Variants in EXOC6B observed in about 807,000 individuals in gnomAD.
The protein encoded by EXOC6B is exocyst complex component 6B.
EXOC6B carries 54 observed loss-of-function variants against 113.5 expected under a neutral mutation model. The ratio of observed to expected loss-of-function variants is 0.48; its 90% CI spans 0.38 to 0.60. The LOEUF is 0.60. Ranked by LOEUF, EXOC6B falls within the 20% of genes least tolerant of loss-of-function variation. EXOC6B has a pLI of 0.00. For missense variants in EXOC6B, 797 were observed against 977.5 expected (o/e 0.82, Z 2.46); for synonymous variants, 357 against 339.0 (o/e 1.05, Z -0.58).
chr2:72,254,743 G>A (rs1268557358), intron 20 of EXOC6B, among the ~76,000 whole-genome samples: 1 of 152,148 alleles, frequency 6.6e-6, no homozygotes, highest in Admixed American at 6.5e-5. Flanking sequence ...CAGGCGTGGT[G>A]GCTCACACCT....
intron 8 of EXOC6B, among the ~76,000 whole-genome samples, chr2:72,529,867 C>T (rs1414375886): frequency 6.6e-6 from 1 of 152,128 alleles, no homozygotes; most frequent in African/African-American, 2.4e-5. Context: ...TTGTGTTTTT[C>T]AGAGAATTAA....
intron 6 of EXOC6B, among the ~76,000 whole-genome samples, chr2:72,619,053 C>A (rs1671576539): frequency 6.6e-6 from 1 of 152,162 alleles, no homozygotes; most frequent in African/African-American, 2.4e-5. Flanking sequence ...GGAAAGCCAA[C>A]AGAAAAGCTG....
intron 2 of EXOC6B, among the ~76,000 whole-genome samples, chr2:72,739,547 T>A (rs564169601): frequency 6.6e-6 from 1 of 152,210 alleles, no homozygotes; most frequent in East Asian, 1.9e-4. Context: ...TGTTGTTACA[T>A]CTCTCAATTT....
intron 6 of EXOC6B, among the ~76,000 whole-genome samples, chr2:72,695,844 A>G (rs1019853964): frequency 2.0e-5 from 3 of 152,208 alleles, no homozygotes; most frequent in Admixed American, 1.3e-4. Context: ...AAGGGCTCTA[A>G]GGCTCACTCC....
At chr2:72,312,174 C>G (rs1687226394) in intron 20 of EXOC6B, among the ~76,000 whole-genome samples, 1 of 152,192 alleles carries the variant, frequency 6.6e-6, no homozygotes, top group African/African-American at 2.4e-5. Flanking sequence ...ATTGCTAGAA[C>G]TTCCTAAAGC....
chr2:72,570,598 T>G (rs1165691562), intron 7 of EXOC6B, among the ~76,000 whole-genome samples: 1 of 152,158 alleles, frequency 6.6e-6, no homozygotes, highest in Admixed American at 6.6e-5. Flanking sequence ...GTGGATGACA[T>G]GGTTACCACT....
chr2:72,642,992 C>T (rs1266443234), intron 6 of EXOC6B, among the ~76,000 whole-genome samples: 1 of 151,704 alleles, frequency 6.6e-6, no homozygotes, highest in Non-Finnish European at 1.5e-5. Context: ...GACATTTATG[C>T]AGCCAAAAAA....
intron 6 of EXOC6B, among the ~76,000 whole-genome samples, chr2:72,660,254 A>C (rs964582938): frequency 1.3e-5 from 2 of 152,192 alleles, no homozygotes; most frequent in Non-Finnish European, 2.9e-5. Context: ...GTGAACAAAA[A>C]ATACTTATTG....
At chr2:72,811,565 T>C (rs936188420) in intron 1 of EXOC6B, among the ~76,000 whole-genome samples, 4 of 152,296 alleles carry the variant, frequency 2.6e-5, no homozygotes, top group Non-Finnish European at 5.9e-5. Flanking sequence ...CTCAATTCAT[T>C]TTAAGAAGTT....
chr2:72,446,806 A>T (rs1328873252), intron 18 of EXOC6B, among the ~76,000 whole-genome samples: 2 of 152,194 alleles, frequency 1.3e-5, no homozygotes, highest in East Asian at 3.8e-4. Flanking sequence ...TCCTGCTTCA[A>T]ACTAACAGAA....
intron 6 of EXOC6B, among the ~76,000 whole-genome samples, chr2:72,585,331 C>T (rs1313739747): frequency 6.6e-6 from 1 of 152,184 alleles, no homozygotes; most frequent in Non-Finnish European, 1.5e-5. Flanking sequence ...GGTGCAGTGG[C>T]TCATGCCTGT....
intron 1 of EXOC6B, among the ~76,000 whole-genome samples, chr2:72,818,908 C>T (rs1378122231): frequency 1.3e-5 from 2 of 152,108 alleles, no homozygotes; most frequent in African/African-American, 4.8e-5. Context: ...TTTCCTAATC[C>T]CCTAATTGAA....
chr2:72,495,738 CCTT>C (rs1420832437), intron 14 of EXOC6B, among the ~76,000 whole-genome samples, 199 bp from the exon 15 acceptor site: 7 of 152,108 alleles, frequency 4.6e-5, no homozygotes, highest in Admixed American at 4.6e-4. Flanking sequence ...ATTCAAATGT[CCTT>C]CATCATGGAA....
At chr2:72,812,289 A>T (rs1051692237) in intron 1 of EXOC6B, among the ~76,000 whole-genome samples, 2 of 152,218 alleles carry the variant, frequency 1.3e-5, no homozygotes, top group Non-Finnish European at 2.9e-5. Flanking sequence ...AAAATCACTT[A>T]AAAAAAGAAA....
intron 7 of EXOC6B, among the ~76,000 whole-genome samples, chr2:72,573,118 C>T (rs902905437): frequency 3.9e-5 from 6 of 152,190 alleles, no homozygotes; most frequent in African/African-American, 1.4e-4. Context: ...TTAAAAGGAA[C>T]TTACCCAGGA....
chr2:72,507,743 C>T (rs1573284323), intron 11 of EXOC6B, among the ~76,000 whole-genome samples: 1 of 151,670 alleles, frequency 6.6e-6, no homozygotes, highest in South Asian at 2.1e-4. Context: ...AAAGAATATA[C>T]AATAGATCTA....
chr2:72,747,859 GATT>G lies in EXOC6B; in HGVS notation c.114-6393_114-6391del, dbSNP rs1191934713. On this transcript the variant is annotated intron_variant, in intron 1 of 21. Transcript: ENST00000272427. ...ATTCTATTATGTGCTCCTCCTCGGT[GATT>G]ATCATTTTTACAGAATTTATTAAAC... Among the ~76,000 whole-genome samples the G allele has an allele frequency of 2.6e-5, 4 of 152,138 alleles. No homozygotes were observed. The East Asian group carries it at 7.7e-4, about 29-fold the overall frequency.
intron 6 of EXOC6B, among the ~76,000 whole-genome samples, chr2:72,598,113 ACAG>A (rs1202010383): frequency 6.6e-6 from 1 of 152,014 alleles, no homozygotes; most frequent in African/African-American, 2.4e-5. Context: ...TCATTCAATA[ACAG>A]CAGAATACAC....
rs184354259 is a variant in EXOC6B, at chr2:72,435,119, T to C, written c.1980+30041A>G. 2.6e-4 allele frequency among the ~76,000 whole-genome samples: 39 copies of C among 152,378 alleles called. No homozygotes were observed. The East Asian group carries it at 7.5e-3, about 29-fold the overall frequency. Reference sequence around the variant, plus strand: ...TGGTACGTTGTGTCTTTGTTCTCATTGGTTTCAAAGAACTTATTTATTTCT... The same window carrying C: ...TGGTACGTTGTGTCTTTGTTCTCATCGGTTTCAAAGAACTTATTTATTTCT... On this transcript the variant is annotated intron_variant, in intron 18 of 21. Coordinates refer to ENST00000272427, the MANE Select transcript of EXOC6B (RefSeq NM_015189.3).
Sources: allele counts gnomAD v4.1 joint callset (sites outside exome capture counted in the v4.1 genomes callset), GRCh38; gene constraint gnomAD v4.1.1; transcripts MANE v1.5; gene names NCBI Gene and HGNC (gene_info 2026-07-23, HGNC 2026-07-21).